Variants in SLC1A2 observed in about 807,000 individuals in gnomAD.
SLC1A2 encodes the protein excitatory amino acid transporter 2.
SLC1A2 carries 15 observed loss-of-function variants against 48.8 expected under a neutral mutation model. That is an observed-to-expected ratio of 0.31 (90% CI 0.21 to 0.47). The LOEUF is 0.47. Among genes scored for constraint, SLC1A2 ranks in the 20% least tolerant of loss-of-function variants. The probability of loss-of-function intolerance (pLI) is 0.99; values close to 1 mark genes in which losing one functional copy is unlikely to be tolerated. For missense variants in SLC1A2, 502 were observed against 730.5 expected (o/e 0.69, Z 3.61); for synonymous variants, 279 against 272.6 (o/e 1.02, Z -0.23).
Position 35,312,212 on chromosome 11 carries a change from C to T in SLC1A2, c.547G>A (p.Ala183Thr). ...CTCTGGGTTACCTGTTGAAAGCAGG[C>T]TTGGACAAGGTTTTCAGGGAAGAGA... The part of the protein sequence containing the change: ...RNLFPENLVQ[A>T]CFQQIQTVTK... Residue 183 changes from alanine (A) to threonine (T), a missense_variant, in exon 4 of 11, where the codon GCC becomes ACC. Ala to Thr is a moderately conservative substitution (Grantham distance 58). This residue lies in a region of SLC1A2 where 309 missense variants were observed against 480.3 expected (regional missense o/e 0.64). Transcript: ENST00000278379. 1.9e-6 allele frequency: 3 copies of T among 1,614,110 alleles called. No individual in the cohort carries two copies. The highest frequency in any genetic ancestry group is 2.5e-6 in the Non-Finnish European group (3 of 1,179,986).
At chr11:35,344,971 T>A (rs191417374) in intron 1 of SLC1A2, among the ~76,000 whole-genome samples, 114 of 152,270 alleles carry the variant, frequency 7.5e-4, no homozygotes, top group African/African-American at 2.7e-3. Context: ...ACCAACCAAT[T>A]AGGCTTAGCA....
intron 1 of SLC1A2, among the ~76,000 whole-genome samples, chr11:35,369,166 A>G (rs1853968987): frequency 6.6e-6 from 1 of 152,182 alleles, no homozygotes; most frequent in South Asian, 2.1e-4. Flanking sequence ...GGAGTGGATA[A>G]TATGTGGGCA....
intron 4 of SLC1A2, among the ~76,000 whole-genome samples, chr11:35,311,806 A>G (rs1370495644): frequency 2.0e-5 from 3 of 151,166 alleles, no homozygotes; most frequent in Non-Finnish European, 4.4e-5. Context: ...AAATATGCCC[A>G]TGGACAACTC....
At chr11:35,385,275 A>C (rs1427127591) in intron 1 of SLC1A2, among the ~76,000 whole-genome samples, 2 of 152,178 alleles carry the variant, frequency 1.3e-5, no homozygotes, top group African/African-American at 2.4e-5. Context: ...CATAGAAGAG[A>C]GGTAACAGCT....
rs1028284760 is a variant in SLC1A2, at chr11:35,255,665, T to C, written c.*5229A>G. The C allele has an allele frequency of 2.6e-5, 4 of 152,220 alleles. No homozygotes were observed. Among genetic ancestry groups the C allele is most frequent in the Non-Finnish European group, 5.9e-5 (4 of 68,044 alleles). The allele number at this position is 152,220 out of a possible 1,614,324, so 9.4% of individuals were successfully genotyped here. A position where few individuals can be genotyped will look rare whatever the true frequency, so the allele number is the denominator to read the frequency against. ...GGGTATTCAGAGAGGGCTCTGTTGCTACAGCAGCAATGATGCAACAGCTTG... is the reference window on the plus strand; with the variant it reads ...GGGTATTCAGAGAGGGCTCTGTTGCCACAGCAGCAATGATGCAACAGCTTG... On this transcript the variant is annotated 3_prime_UTR_variant, in exon 11 of 11. Transcript: ENST00000278379.
In SLC1A2 at chr11:35,315,114, A is replaced by G. The variant is rs1265112317; in HGVS notation, c.219T>C (p.Asp73=). The change falls in exon 3 of 11, where the codon GAT becomes GAC. Residue 73 remains aspartate, a synonymous_variant. Transcript: ENST00000278379. ...LLRLASPIHP[D]VVMLIAFPGD... ...CTGGGAAGGCTATTAACATAACCACATCAGGGTGGATGGGAGATGCCAAGC... is the reference window on the plus strand; with the variant it reads ...CTGGGAAGGCTATTAACATAACCACGTCAGGGTGGATGGGAGATGCCAAGC... The G allele has an allele frequency of 4.3e-6, 7 of 1,612,274 alleles. No homozygotes were observed. The highest frequency in any genetic ancestry group is 5.9e-6 in the Non-Finnish European group (7 of 1,178,432).
chr11:35,278,628 A>G (rs114727186), intron 9 of SLC1A2, among the ~76,000 whole-genome samples: 1,834 of 152,226 alleles, frequency 0.012, 39 homozygotes, highest in African/African-American at 0.042. Context: ...GCTTCTTTCT[A>G]GCCTTCCCAG....
At chr11:35,315,808 A>AAAAAAAAAAAAAAAAAG (rs371762829) in intron 2 of SLC1A2, 3 of 139,368 alleles carry the variant, frequency 2.2e-5, no homozygotes, top group Non-Finnish European at 3.0e-5. Flanking sequence ...AAAAAAAAAA[A>AAAAAAAAAAAAAAAAAG]AAAGAAAGAA....
Position 35,325,831 on chromosome 11 carries a change from G to A in SLC1A2, c.18-8315C>T, listed in dbSNP as rs539954801. ...TACAAAAAATTAGCTGGGTATGGTG[G>A]CAGGCACCTGTAATCCCAGCTACTC... On this transcript the variant is annotated intron_variant, in intron 1 of 10. Coordinates refer to ENST00000278379, the MANE Select transcript of SLC1A2 (RefSeq NM_004171.4). Among the ~76,000 whole-genome samples, 7 of 152,088 alleles carry A rather than the reference G, an allele frequency of 4.6e-5. No individual in the cohort carries two copies. The South Asian group carries it at 1.2e-3, about 27-fold the overall frequency.
chr11:35,371,420 T>C (rs1486026219), intron 1 of SLC1A2, among the ~76,000 whole-genome samples: 1 of 152,164 alleles, frequency 6.6e-6, no homozygotes, highest in African/African-American at 2.4e-5. Context: ...TACAATGACT[T>C]TGGTGACCAA....
In SLC1A2 at chr11:35,378,210, A is replaced by G. The variant is rs549920109; in HGVS notation, c.17+40740T>C. Among the ~76,000 whole-genome samples the G allele has an allele frequency of 5.2e-5, 8 of 152,394 alleles. No homozygotes were observed. The South Asian group carries it at 1.7e-3, about 32-fold the overall frequency. ...GCAATATGCAAATTTAGAAAAAGGC[A>G]GAACCCCCAGATCCTAAAGCCCAGG... On this transcript the variant is annotated intron_variant, in intron 1 of 10. Transcript: ENST00000278379.
chr11:35,261,043 C>T, intron 10 of SLC1A2, 78 bp from the exon 11 acceptor site: 2 of 1,010,134 alleles, frequency 2.0e-6, no homozygotes, highest in Non-Finnish European at 3.2e-6. Flanking sequence ...TGGAGAAGCA[C>T]CAAATCCAAG....
At chr11:35,383,724 C>T (rs1854503561) in intron 1 of SLC1A2, among the ~76,000 whole-genome samples, 1 of 152,182 alleles carries the variant, frequency 6.6e-6, no homozygotes, top group Non-Finnish European at 1.5e-5. Flanking sequence ...TGGAATGAAC[C>T]ACCCAAGAGC....
At chr11:35,359,702 C>G (rs1197695857) in intron 1 of SLC1A2, among the ~76,000 whole-genome samples, 1 of 152,244 alleles carries the variant, frequency 6.6e-6, no homozygotes, top group Non-Finnish European at 1.5e-5. Flanking sequence ...CACTGCCAGG[C>G]ACTGGCATGC....
chr11:35,385,866 C>T (rs772963670), intron 1 of SLC1A2, among the ~76,000 whole-genome samples: 1 of 152,108 alleles, frequency 6.6e-6, no homozygotes, highest in East Asian at 1.9e-4. Context: ...CACAGTGAAG[C>T]TTTAAAAATA....
intron 1 of SLC1A2, among the ~76,000 whole-genome samples, chr11:35,337,840 A>G (rs1340113061): frequency 2.0e-5 from 3 of 152,308 alleles, no homozygotes; most frequent in Non-Finnish European, 4.4e-5. Context: ...AAGCTCCACC[A>G]ACAGTTTAGA....
At chr11:35,365,378 T>C (rs1853807434) in intron 1 of SLC1A2, among the ~76,000 whole-genome samples, 1 of 152,186 alleles carries the variant, frequency 6.6e-6, no homozygotes, top group African/African-American at 2.4e-5. Context: ...GAGGTCAGCA[T>C]TTCCAGCATC....
At chr11:35,283,452 C>A (rs917122082) in intron 8 of SLC1A2, among the ~76,000 whole-genome samples, 6 of 152,060 alleles carry the variant, frequency 3.9e-5, no homozygotes, top group Non-Finnish European at 8.8e-5. Context: ...CTGAACCCAC[C>A]CAGGGGCCAG....
rs149714933 is a variant in SLC1A2 at position 35,280,971 on chromosome 11, C to T, written c.1317G>A (p.Ala439=). 1.2e-4 allele frequency: 199 copies of T among 1,610,692 alleles called. 1 individual carries two copies. Among genetic ancestry groups the T allele is most frequent in the South Asian group, 6.7e-4 (61 of 90,586 alleles). The change falls in exon 9 of 11, where the codon GCG becomes GCA. Residue 439 remains alanine, a synonymous_variant. Transcript: ENST00000278379. ...SLTATLASVG[A]ASIPSAGLVT... Reference sequence around the variant, plus strand: ...CCAGCCCGGCACTGGGGATACTGGCCGCGCCGACGCTTGCCAGGGTGGCTG... The same window carrying T: ...CCAGCCCGGCACTGGGGATACTGGCTGCGCCGACGCTTGCCAGGGTGGCTG...
Sources: gnomAD v4.1 joint callset for allele counts (sites outside exome capture counted in the v4.1 genomes callset) on GRCh38, gnomAD v4.1.1 for gene constraint, gnomAD v4.1.1 regional missense constraint, MANE v1.5 for transcripts, NCBI Gene and HGNC (gene_info 2026-07-23, HGNC 2026-07-21) for gene names.